SLC35H1: variants seen among roughly 807,000 people sequenced by gnomAD.
SLC35H1 encodes solute carrier family 35 member H1.
At chr20:46,348,055 T>C in the SLC35H1 span, 3 of 151,846 alleles carry the variant, frequency 2.0e-5, no homozygotes, top group Admixed American at 2.0e-4. Context: ...AGCACCGCGT[T>C]GCCATGGTGA....
At chr20:46,356,511 C>G in the SLC35H1 span, 1 of 1,562,272 alleles carries the variant, frequency 6.4e-7, no homozygotes, top group Non-Finnish European at 8.8e-7. Context: ...TGTGCAGACA[C>G]CCCGCTGGAC....
the SLC35H1 span, among the ~76,000 whole-genome samples, chr20:46,356,914 A>C: frequency 4.6e-5 from 7 of 152,178 alleles, no homozygotes; most frequent in Non-Finnish European, 8.8e-5. Flanking sequence ...CGGAGGTATT[A>C]ACCTGATCTG....
At chr20:46,348,589 G>A in the SLC35H1 span, 11 of 152,252 alleles carry the variant, frequency 7.2e-5, no homozygotes, top group African/African-American at 2.7e-4. Flanking sequence ...AGCGCCCTTG[G>A]TGCTCCACCT....
the SLC35H1 span, chr20:46,355,944 G>GGAGCAC: frequency 3.1e-6 from 5 of 1,599,822 alleles, no homozygotes; most frequent in Admixed American, 8.8e-5. The surrounding 1 kb of genome is among the most constrained non-coding windows in gnomAD (Gnocchi z 4.8). Flanking sequence ...GAAAGGAGCA[G>GGAGCAC]GAGCACAAAT....
At chr20:46,351,009 A>C in the SLC35H1 span, 4 of 1,302,438 alleles carry the variant, frequency 3.1e-6, no homozygotes, top group Non-Finnish European at 4.2e-6. Flanking sequence ...TCTTACTGAA[A>C]TCCTGGGCCC....
At chr20:46,352,011 CCTCT>C in the SLC35H1 span, 27 of 1,602,472 alleles carry the variant, frequency 1.7e-5, no homozygotes, top group South Asian at 2.7e-4. Flanking sequence ...CTGGGGGCTC[CCTCT>C]CTAAGACAGG....
the SLC35H1 span, among the ~76,000 whole-genome samples, chr20:46,358,175 C>T: frequency 1.3e-4 from 20 of 152,222 alleles, no homozygotes; most frequent in Admixed American, 3.9e-4. Context: ...CATCCCTTCA[C>T]ACCCCCCGCT....
the SLC35H1 span, chr20:46,358,255 C>T: frequency 1.2e-6 from 1 of 865,618 alleles, no homozygotes; most frequent in Non-Finnish European, 1.9e-6. Context: ...GGCCCTGTTC[C>T]AGCCCAGCCG....
the SLC35H1 span, among the ~76,000 whole-genome samples, chr20:46,362,171 G>A: frequency 6.6e-6 from 1 of 152,172 alleles, no homozygotes. Context: ...CACTTAATGA[G>A]CATTTATCAA....
At chr20:46,352,224 G>T in the SLC35H1 span, 1 of 1,614,062 alleles carries the variant, frequency 6.2e-7, no homozygotes, top group East Asian at 2.2e-5. Flanking sequence ...GACAAATGGA[G>T]ACCTGAAAGC....
At chr20:46,351,027 CA>C in the SLC35H1 span, 1 of 1,189,600 alleles carries the variant, frequency 8.4e-7, no homozygotes, top group Non-Finnish European at 1.2e-6. Context: ...CCCAGGCAGG[CA>C]GAGAGGTCAG....
chr20:46,357,573 G>A, the SLC35H1 span: 1 of 1,588,964 alleles, frequency 6.3e-7, no homozygotes, highest in Non-Finnish European at 8.6e-7. Flanking sequence ...TCATCCTATG[G>A]TTCCCCAGCC....
At chr20:46,360,504 T>G in the SLC35H1 span, among the ~76,000 whole-genome samples, 1 of 152,036 alleles carries the variant, frequency 6.6e-6, no homozygotes, top group African/African-American at 2.4e-5. Flanking sequence ...TTACTATCAA[T>G]TACTTTCCTT....
the SLC35H1 span, among the ~76,000 whole-genome samples, chr20:46,353,997 C>T: frequency 6.6e-6 from 1 of 152,040 alleles, no homozygotes; most frequent in Non-Finnish European, 1.5e-5. Flanking sequence ...ACCCTGAGGG[C>T]ATTACAGACG....
At chr20:46,351,323 A>G in the SLC35H1 span, among the ~76,000 whole-genome samples, 2 of 152,206 alleles carry the variant, frequency 1.3e-5, no homozygotes, top group African/African-American at 4.8e-5. Flanking sequence ...TCCAAACAGG[A>G]CTGGCAAGGC....
the SLC35H1 span, chr20:46,358,707 T>G: frequency 6.4e-7 from 1 of 1,550,824 alleles, no homozygotes; most frequent in South Asian, 1.2e-5. Context: ...GGCTGGTGGC[T>G]GGTGCTGACC....
At chr20:46,354,835 G>A in the SLC35H1 span, 2 of 1,492,014 alleles carry the variant, frequency 1.3e-6, no homozygotes, top group South Asian at 2.4e-5. Flanking sequence ...GCGAGGATCT[G>A]TGGTCTGCTG....
chr20:46,346,168 G>A, the SLC35H1 span: 7 of 152,180 alleles, frequency 4.6e-5, no homozygotes, highest in South Asian at 2.1e-4. Flanking sequence ...AGAAGAGGAC[G>A]GCCCCACCAG....
chr20:46,351,269 G>A, the SLC35H1 span, among the ~76,000 whole-genome samples: 12 of 152,364 alleles, frequency 7.9e-5, no homozygotes, highest in Admixed American at 4.6e-4. Context: ...TGTTACCCCG[G>A]ACTGAAGACA....
Sources: allele counts gnomAD v4.1 joint callset (sites outside exome capture counted in the v4.1 genomes callset), GRCh38; gene constraint gnomAD v4.1.1; non-coding constraint Gnocchi (gnomAD v3.1); transcripts MANE v1.5; gene names NCBI Gene and HGNC (gene_info 2026-07-23, HGNC 2026-07-21).